ZHX2: variants seen among roughly 807,000 people sequenced by gnomAD.
ZHX2 encodes zinc fingers and homeoboxes protein 2.
ZHX2 carries 6 observed loss-of-function variants against 21.9 expected under a neutral mutation model. That is an observed-to-expected ratio of 0.27 (90% confidence interval 0.15 to 0.54). The LOEUF (loss-of-function observed/expected upper bound fraction) is 0.54, where lower values mean the gene tolerates loss of function less well. Among genes scored for constraint, ZHX2 ranks in the 20% least tolerant of loss-of-function variants. ZHX2 has a pLI of 0.95. For synonymous variants in ZHX2, 434 were observed against 437.1 expected (o/e 0.99, Z 0.09); for missense variants, 908 against 1,090.7 (o/e 0.83, Z 2.36).
At chr8:122,844,354 C>T (rs1023929651) in intron 1 of ZHX2, among the ~76,000 whole-genome samples, 7 of 152,248 alleles carry the variant, frequency 4.6e-5, no homozygotes, top group Non-Finnish European at 7.3e-5. Context: ...AACTTGACGA[C>T]GCTAGTCCAG....
chr8:122,900,430 A>T (rs1820201370), intron 2 of ZHX2, among the ~76,000 whole-genome samples: 1 of 152,144 alleles, frequency 6.6e-6, no homozygotes, highest in South Asian at 2.1e-4. Flanking sequence ...GAGGACATTA[A>T]TCTATTTATG....
At chr8:122,922,315 A>G (rs1271528055) in intron 2 of ZHX2, among the ~76,000 whole-genome samples, 1 of 152,126 alleles carries the variant, frequency 6.6e-6, no homozygotes. Flanking sequence ...AAAAAATAGG[A>G]CAAGCGGGAT....
At chr8:122,926,312 C>T (rs16897705) in intron 2 of ZHX2, among the ~76,000 whole-genome samples, 2,379 of 152,264 alleles carry the variant, frequency 0.016, 66 homozygotes, top group Admixed American at 0.068. Flanking sequence ...AATGTCTTCC[C>T]GTGTAAAGGC....
At position 122,855,896 on chromosome 8, in the gene ZHX2, T is replaced by C. The variant is rs144261352; in HGVS notation, c.-282-7581T>C. Among the ~76,000 whole-genome samples the C allele has an allele frequency of 3.5e-3, 531 of 152,266 alleles. 1 individual carries two copies. Among genetic ancestry groups the C allele is most frequent in the Non-Finnish European group, 5.4e-3 (368 of 68,028 alleles). On this transcript the variant is annotated intron_variant, in intron 1 of 3. Transcript: ENST00000314393. ...ATCTCATACCTCTTGAATACTCAGATTTTTGCTAAACAAGGTCAGGAAATA... is the reference window on the plus strand; with the variant it reads ...ATCTCATACCTCTTGAATACTCAGACTTTTGCTAAACAAGGTCAGGAAATA...
intron 2 of ZHX2, among the ~76,000 whole-genome samples, chr8:122,921,412 G>T (rs1820735658): frequency 6.6e-6 from 1 of 152,120 alleles, no homozygotes; most frequent in Admixed American, 6.5e-5. Flanking sequence ...CCCAAGTGCT[G>T]ACCACAGGGA....
chr8:122,966,675 G>A (rs1157967429), intron 3 of ZHX2, among the ~76,000 whole-genome samples: 1 of 152,120 alleles, frequency 6.6e-6, no homozygotes, highest in East Asian at 1.9e-4. Flanking sequence ...TGTTCTTTGA[G>A]CTTTTTGTAT....
At chr8:122,891,270 T>TTGTGTGTGTG (rs59893492) in intron 2 of ZHX2, among the ~76,000 whole-genome samples, 3 of 77,666 alleles carry the variant, frequency 3.9e-5, no homozygotes, top group South Asian at 5.6e-4. Flanking sequence ...TCTTGGTAGA[T>TTGTGTGTGTG]TGTGTGTGTG....
At chr8:122,823,055 A>G (rs1344993155) in intron 1 of ZHX2, among the ~76,000 whole-genome samples, 1 of 152,238 alleles carries the variant, frequency 6.6e-6, no homozygotes, top group Non-Finnish European at 1.5e-5. Context: ...GGAGAATGTT[A>G]GTAACCCTCT....
chr8:122,904,645 A>G (rs1367255259), intron 2 of ZHX2, among the ~76,000 whole-genome samples: 3 of 152,150 alleles, frequency 2.0e-5, no homozygotes, highest in Non-Finnish European at 4.4e-5. Flanking sequence ...CTGGACCCCT[A>G]CTTAGTAATA....
chr8:122,836,294 A>G (rs1818494376), intron 1 of ZHX2, among the ~76,000 whole-genome samples: 1 of 152,104 alleles, frequency 6.6e-6, no homozygotes, highest in East Asian at 1.9e-4. Context: ...CTCCCGGGAA[A>G]ACTTACCAGT....
At chr8:122,787,484 A>G (rs1462874647) in intron 1 of ZHX2, among the ~76,000 whole-genome samples, 1 of 152,198 alleles carries the variant, frequency 6.6e-6, no homozygotes, top group African/African-American at 2.4e-5. Context: ...GATTTGTGAT[A>G]TATTTTAGGG....
At chr8:122,852,455 A>C (rs990635554) in intron 1 of ZHX2, among the ~76,000 whole-genome samples, 17 of 152,178 alleles carry the variant, frequency 1.1e-4, no homozygotes, top group Non-Finnish European at 1.5e-5. Flanking sequence ...GTGTAATAGT[A>C]GTCACCGAGA....
chr8:122,871,152 T>A (rs144450927), intron 2 of ZHX2, among the ~76,000 whole-genome samples: 1 of 152,170 alleles, frequency 6.6e-6, no homozygotes, highest in East Asian at 1.9e-4. Context: ...TCGTTTAACT[T>A]TCCTGAGCCT....
chr8:122,788,509 G>A (rs1817446928), intron 1 of ZHX2, among the ~76,000 whole-genome samples: 1 of 152,220 alleles, frequency 6.6e-6, no homozygotes, highest in Non-Finnish European at 1.5e-5. Flanking sequence ...CAAGGCTGCA[G>A]TAAGCCATGA....
rs76383038 is a variant in ZHX2, at chr8:122,959,132, A to C, written c.*4+5104A>C. Among the ~76,000 whole-genome samples, 786 of 152,284 alleles carry C rather than the reference A, an allele frequency of 5.2e-3. 4 individuals are homozygous for C. Among genetic ancestry groups the C allele is most frequent in the African/African-American group, 0.017 (719 of 41,560 alleles). On this transcript the variant is annotated intron_variant, in intron 3 of 3. Coordinates refer to ENST00000314393, the MANE Select transcript of ZHX2 (RefSeq NM_014943.5). ...CCAGAGTTCACTCAGCCAGTGTCTA[A>C]AATTGACTCCAAAGCTCCAGCCACC...
At chr8:122,840,475 G>A (rs992885934) in intron 1 of ZHX2, among the ~76,000 whole-genome samples, 10 of 152,312 alleles carry the variant, frequency 6.6e-5, no homozygotes, top group East Asian at 1.9e-4. Flanking sequence ...TTAAAGGGCC[G>A]TTGTGAAGAT....
intron 2 of ZHX2, among the ~76,000 whole-genome samples, chr8:122,869,602 C>A (rs1362376962): frequency 6.6e-6 from 1 of 152,214 alleles, no homozygotes; most frequent in Non-Finnish European, 1.5e-5. Flanking sequence ...GAGGCCCAGG[C>A]AGGGGCATCA....
intron 3 of ZHX2, among the ~76,000 whole-genome samples, chr8:122,968,332 A>G (rs1429894019): frequency 6.6e-6 from 1 of 152,126 alleles, no homozygotes; most frequent in African/African-American, 2.4e-5. Flanking sequence ...AGGCCCTTCA[A>G]ACCACGCAGG....
chr8:122,859,925 A>C (rs1429036687), intron 1 of ZHX2, among the ~76,000 whole-genome samples: 1 of 152,254 alleles, frequency 6.6e-6, no homozygotes, highest in Non-Finnish European at 1.5e-5. Flanking sequence ...AACATGTTCA[A>C]TGTCTAATAA....
Sources: gnomAD v4.1 joint callset for allele counts (sites outside exome capture counted in the v4.1 genomes callset) on GRCh38, gnomAD v4.1.1 for gene constraint, MANE v1.5 for transcripts, NCBI Gene and HGNC (gene_info 2026-07-23, HGNC 2026-07-21) for gene names.